SYN3: variants seen among roughly 807,000 people sequenced by gnomAD.
The protein encoded by SYN3 is synapsin III, also known as synapsin-3.
SYN3 carries 35 observed loss-of-function variants against 65.8 expected under a neutral mutation model. The ratio of observed to expected loss-of-function variants is 0.53; its 90% confidence interval spans 0.41 to 0.70. The LOEUF (loss-of-function observed/expected upper bound fraction) is 0.70, where lower values mean the gene tolerates loss of function less well. Among genes scored for constraint, SYN3 ranks in the 30% least tolerant of loss-of-function variants. SYN3 has a pLI of 0.00. For synonymous variants in SYN3, 270 were observed against 292.9 expected, an observed-to-expected ratio of 0.92 and a Z score of 0.80; for missense variants, 680 against 749.0, an observed-to-expected ratio of 0.91 and a Z score of 1.08.
chr22:33,013,100 G>C (rs2053389510), intron 1 of SYN3, among the ~76,000 whole-genome samples: 1 of 152,166 alleles, frequency 6.6e-6, no homozygotes, highest in African/African-American at 2.4e-5. Flanking sequence ...GGATCTTAGA[G>C]TTTATTTAAC....
At chr22:32,585,673 T>G (rs1170642964) in intron 7 of SYN3, among the ~76,000 whole-genome samples, 2 of 152,086 alleles carry the variant, frequency 1.3e-5, no homozygotes, top group African/African-American at 4.8e-5. Context: ...TAAGTTCTTG[T>G]AAGAAAAATG....
chr22:32,615,501 C>T (rs188301127), intron 6 of SYN3, among the ~76,000 whole-genome samples: 214 of 139,164 alleles, frequency 1.5e-3, no homozygotes, highest in African/African-American at 5.6e-3. Context: ...AGGGAGGGAA[C>T]AACAGGGGCA....
chr22:32,602,746 T>C (rs2858740), intron 6 of SYN3, among the ~76,000 whole-genome samples: 105,503 of 152,166 alleles, frequency 0.69, 38,459 homozygotes, highest in East Asian at 0.94. Context: ...AGGCGTCAGC[T>C]ACCGCGCCCA....
intron 6 of SYN3, among the ~76,000 whole-genome samples, chr22:32,838,903 G>C (rs1001172919): frequency 6.6e-6 from 1 of 151,706 alleles, no homozygotes. Context: ...GGTAATTAGC[G>C]ATGCTAGTGA....
chr22:32,862,167 C>T (rs2048561645), intron 6 of SYN3: 1 of 152,380 alleles, frequency 6.6e-6, no homozygotes, highest in Non-Finnish European at 1.5e-5. Flanking sequence ...CCATTTACTT[C>T]ACCCCAAGTC....
At chr22:32,634,331 A>G (rs1421431169) in intron 6 of SYN3, among the ~76,000 whole-genome samples, 1 of 152,196 alleles carries the variant, frequency 6.6e-6, no homozygotes, top group African/African-American at 2.4e-5. Context: ...AGACGATAGC[A>G]TCTGACTCAA....
At chr22:32,845,459 G>C (rs532774628) in intron 6 of SYN3, among the ~76,000 whole-genome samples, 1 of 152,164 alleles carries the variant, frequency 6.6e-6, no homozygotes, top group African/African-American at 2.4e-5. Flanking sequence ...CAAAGTGCTG[G>C]GATTACAGTG....
intron 7 of SYN3, among the ~76,000 whole-genome samples, chr22:32,594,510 T>C (rs1487078824): frequency 6.6e-6 from 1 of 151,054 alleles, no homozygotes; most frequent in Non-Finnish European, 1.5e-5. Context: ...TTTTTTGGAC[T>C]GAATTTCACT....
chr22:32,625,359 G>A (rs2059651352), intron 6 of SYN3, among the ~76,000 whole-genome samples: 1 of 152,162 alleles, frequency 6.6e-6, no homozygotes, highest in South Asian at 2.1e-4. Context: ...CCACGTTTCT[G>A]CAGGCAAGAC....
At chr22:32,597,231 TTTG>T (rs2059215231) in intron 6 of SYN3, among the ~76,000 whole-genome samples, 8 of 97,368 alleles carry the variant, frequency 8.2e-5, no homozygotes, top group Non-Finnish European at 1.2e-4. Context: ...TTTTTTTTTT[TTTG>T]GGACAAGTCT....
At chr22:32,555,449 AC>A (rs2058480970) in intron 7 of SYN3, among the ~76,000 whole-genome samples, 1 of 152,166 alleles carries the variant, frequency 6.6e-6, no homozygotes, top group Non-Finnish European at 1.5e-5. Context: ...CCAGTTGCTC[AC>A]CCTGCTGAGT....
chr22:32,990,301 A>AATCC (rs113493698), intron 2 of SYN3, among the ~76,000 whole-genome samples: 12,165 of 139,224 alleles, frequency 0.087, 629 homozygotes, highest in South Asian at 0.13. Context: ...TCCATCCATG[A>AATCC]ATCCATCCAT....
intron 6 of SYN3, among the ~76,000 whole-genome samples, chr22:32,693,467 T>A (rs1180432025): frequency 6.6e-6 from 1 of 152,170 alleles, no homozygotes; most frequent in African/African-American, 2.4e-5. Flanking sequence ...TTAATGTTTT[T>A]GAACTGAGAT....
chr22:32,779,096 T>G (rs576592564), intron 6 of SYN3, among the ~76,000 whole-genome samples: 2 of 152,256 alleles, frequency 1.3e-5, no homozygotes, highest in East Asian at 3.9e-4. Context: ...GTAATGTAAA[T>G]CCAAATGAAT....
chr22:32,936,064 C>A (rs2050766886), intron 3 of SYN3, among the ~76,000 whole-genome samples: 1 of 152,108 alleles, frequency 6.6e-6, no homozygotes, highest in African/African-American at 2.4e-5. Flanking sequence ...TGAAAGCATC[C>A]AAACTGGTGT....
rs575816652 is a variant in SYN3, at chr22:32,892,070, G to A, written c.462-22945C>T. On this transcript the variant is annotated intron_variant, in intron 4 of 13. Transcript: ENST00000358763. ...AGCACTTTGGGAGACCGAGGCGGGCGGATCATGAGGTCAGGAGTTCAAAAC... is the reference window on the plus strand; with the variant it reads ...AGCACTTTGGGAGACCGAGGCGGGCAGATCATGAGGTCAGGAGTTCAAAAC... Among the ~76,000 whole-genome samples the A allele has an allele frequency of 6.8e-4, 103 of 152,024 alleles. 2 individuals are homozygous for A. Among genetic ancestry groups the A allele is most frequent in the African/African-American group, 6.5e-4 (27 of 41,496 alleles).
At chr22:33,032,917 GT>G (rs1433256273) in intron 1 of SYN3, among the ~76,000 whole-genome samples, 2 of 151,864 alleles carry the variant, frequency 1.3e-5, no homozygotes, top group Non-Finnish European at 2.9e-5. Flanking sequence ...TCCATGAAAT[GT>G]ATGAAACCAA....
intron 1 of SYN3, among the ~76,000 whole-genome samples, chr22:33,016,402 A>AC (rs771162573): frequency 6.6e-6 from 1 of 152,182 alleles, no homozygotes; most frequent in East Asian, 1.9e-4. Context: ...TGCTGCTGCT[A>AC]CCTTTGGGCC....
intron 3 of SYN3, among the ~76,000 whole-genome samples, chr22:32,944,090 A>C (rs138002926): frequency 0.013 from 1,941 of 152,358 alleles, 16 homozygotes; most frequent in Admixed American, 0.017. Context: ...CTCTGCACCA[A>C]GTGGACGTAA....
Sources: allele counts gnomAD v4.1 joint callset (sites outside exome capture counted in the v4.1 genomes callset), GRCh38; gene constraint gnomAD v4.1.1; transcripts MANE v1.5; gene names NCBI Gene and HGNC (gene_info 2026-07-23, HGNC 2026-07-21).